Variants in LYST observed in about 807,000 individuals in gnomAD.
LYST encodes lysosomal-trafficking regulator.
In LYST, 192 loss-of-function variants were observed where a neutral mutation model predicts 413.6. The ratio of observed to expected loss-of-function variants is 0.46; its 90% CI spans 0.41 to 0.52. The LOEUF (loss-of-function observed/expected upper bound fraction) is 0.52, where lower values mean the gene tolerates loss of function less well. Among genes scored for constraint, LYST ranks in the 20% least tolerant of loss-of-function variants. The pLI, the probability that LYST is intolerant of heterozygous loss-of-function variation, is 0.00. For synonymous variants in LYST, 1,525 were observed against 1,567.3 expected (o/e 0.97, Z 0.64); for missense variants, 3,815 against 4,499.9 (o/e 0.85, Z 4.35).
Position 235,674,430 on chromosome 1 carries a change from G to A in LYST, c.11038+2661C>T, listed in dbSNP as rs1186007687. On this transcript the variant is annotated intron_variant, in intron 50 of 52. Coordinates refer to ENST00000389793, the MANE Select transcript of LYST (RefSeq NM_000081.4). This position sits in a 1 kb window ranked among gnomAD's most constrained non-coding sequence, Gnocchi z 4.1. ...AAAAAAAAAAAAAAGTGTCCCCCTCGGGTCTTTTGATCGTCACATATATAT... is the reference window on the plus strand; with the variant it reads ...AAAAAAAAAAAAAAGTGTCCCCCTCAGGTCTTTTGATCGTCACATATATAT... Among the ~76,000 whole-genome samples the A allele has an allele frequency of 2.6e-5, 4 of 150,964 alleles. No homozygotes were observed. The highest frequency in any genetic ancestry group is 5.9e-5 in the Non-Finnish European group (4 of 67,908).
Position 235,777,148 on chromosome 1 carries a change from T to C in LYST, c.5375A>G (p.Asn1792Ser). The C allele has an allele frequency of 1.2e-6, 2 of 1,613,448 alleles. No individual in the cohort carries two copies. Among genetic ancestry groups the C allele is most frequent in the Non-Finnish European group, 1.7e-6 (2 of 1,179,530 alleles). The change falls in exon 17 of 53, where the codon AAT becomes AGT. Residue 1792 changes from asparagine to serine, a missense_variant. Asn to Ser is a conservative substitution (Grantham distance 46). Coordinates refer to ENST00000389793, the MANE Select transcript of LYST (RefSeq NM_000081.4). ...AGTTTTATATTCAGTAGGTTGGAGA[T>C]TCTTTAGATGATGAGGTTCTAATAA... ...SILLEPHHLK[N>S]LQPTEYKTIQ... is the part of the protein sequence containing the mutation.
At chr1:235,665,247 T>C (rs1658333946) in intron 50 of LYST, among the ~76,000 whole-genome samples, 1 of 152,212 alleles carries the variant, frequency 6.6e-6, no homozygotes, top group African/African-American at 2.4e-5. Context: ...ATATGAGTTA[T>C]GATTGAAAAT....
In LYST at chr1:235,741,592, T is replaced by C; in HGVS notation, c.8188A>G (p.Thr2730Ala). The change falls in exon 31 of 53, where the codon ACT becomes GCT. Residue 2730 changes from threonine (T) to alanine (A), a missense_variant. Transcript: ENST00000389793. The stretch of plus-strand genomic sequence containing the variant: ...TCCTTACAAGACCACAGAATTTTAG[T>C]CCATTGCTGCTTGGAACCACTGGCT... ...SKASGSKQQWTKILWSCKETF... is the reference protein window; with the variant it reads ...SKASGSKQQWAKILWSCKETF... The C allele has an allele frequency of 6.2e-7, 1 of 1,614,110 alleles. No homozygotes were observed. The highest frequency in any genetic ancestry group is 8.5e-7 in the Non-Finnish European group (1 of 1,179,990).
chr1:235,790,146 A>G (rs1296728355), intron 12 of LYST, among the ~76,000 whole-genome samples: 3 of 152,182 alleles, frequency 2.0e-5, no homozygotes, highest in Non-Finnish European at 4.4e-5. Context: ...ACTTTCCAAT[A>G]TTTACTTTTC....
intron 32 of LYST, 40 bp from the exon 33 acceptor site, chr1:235,733,946 T>C: frequency 1.0e-6 from 1 of 1,002,222 alleles, no homozygotes; most frequent in East Asian, 2.7e-5. Flanking sequence ...TAAAATTTAT[T>C]ATTTCTCACC....
intron 20 of LYST, among the ~76,000 whole-genome samples, chr1:235,768,064 G>A (rs1668316530): frequency 6.6e-6 from 1 of 152,002 alleles, no homozygotes. Context: ...TCAGTCCTCT[G>A]ATTCTCTCAC....
At chr1:235,758,074 T>C (rs1667214215) in intron 23 of LYST, among the ~76,000 whole-genome samples, 1 of 152,214 alleles carries the variant, frequency 6.6e-6, no homozygotes, top group Admixed American at 6.5e-5. Context: ...CAAATGCTGC[T>C]GGGTTTAGCC....
At position 235,806,692 on chromosome 1, in the gene LYST, T is replaced by C. The variant is rs1489278387; in HGVS notation, c.2444A>G (p.His815Arg). ...CAGAGTTTCAAATGCTTTTAGAGAA[T>C]GACTTCGAATACCATTTAAGCAATT... ...ELNCLNGIRS[H>R]SLKAFETLII... Residue 815 changes from histidine to arginine, a missense_variant, in exon 6 of 53, where the codon CAT (histidine) becomes CGT (arginine). By Grantham distance (29) the His-to-Arg change is conservative. Coordinates refer to ENST00000389793, the MANE Select transcript of LYST (RefSeq NM_000081.4). 2.5e-6 allele frequency: 4 copies of C among 1,613,368 alleles called. No homozygotes were observed. The highest frequency in any genetic ancestry group is 3.4e-6 in the Non-Finnish European group (4 of 1,179,456).
At chr1:235,739,845 G>A (rs1218200928) in intron 31 of LYST, among the ~76,000 whole-genome samples, 4 of 152,112 alleles carry the variant, frequency 2.6e-5, no homozygotes, top group Non-Finnish European at 4.4e-5. Context: ...ACTGGCCTTG[G>A]TGACGAAATG....
intron 1 of LYST, among the ~76,000 whole-genome samples, chr1:235,849,715 C>T (rs1200588167): frequency 6.8e-6 from 1 of 146,558 alleles, no homozygotes; most frequent in Non-Finnish European, 1.5e-5. Flanking sequence ...CTCTTCTATA[C>T]ACCAACAGCG....
chr1:235,820,164 C>A (rs1187639542), intron 3 of LYST, among the ~76,000 whole-genome samples: 2 of 152,122 alleles, frequency 1.3e-5, no homozygotes, highest in African/African-American at 2.4e-5. Context: ...CCTAGCCATT[C>A]AGAAGTAGAA....
chr1:235,714,323 AG>A lies in LYST; in HGVS notation c.9784+877del, dbSNP rs575420430. 1.1e-4 allele frequency among the ~76,000 whole-genome samples: 16 copies of A among 152,304 alleles called. No individual in the cohort carries two copies. The East Asian group carries it at 3.1e-3, about 29-fold the overall frequency. ...TCAAATTAACCAAGGATAATTAGCC[AG>A]GGGAAAAACAAGAGAGAGAGAGAAA... On this transcript the variant is annotated intron_variant, in intron 42 of 52. Transcript: ENST00000389793.
intron 45 of LYST, among the ~76,000 whole-genome samples, chr1:235,699,326 G>A (rs1394536115): frequency 6.6e-6 from 1 of 152,142 alleles, no homozygotes; most frequent in African/African-American, 2.4e-5. Flanking sequence ...TTATGAGTGA[G>A]AACAAGCGGT....
At chr1:235,812,074 A>C (rs764574136) in intron 4 of LYST, among the ~76,000 whole-genome samples, 6 of 152,204 alleles carry the variant, frequency 3.9e-5, no homozygotes, top group Non-Finnish European at 7.3e-5. Context: ...TCAAGAGGAA[A>C]ACTATTAATC....
intron 1 of LYST, among the ~76,000 whole-genome samples, chr1:235,878,074 C>T (rs1246065105): frequency 6.6e-6 from 1 of 152,188 alleles, no homozygotes; most frequent in African/African-American, 2.4e-5. Flanking sequence ...TGCATTTAAA[C>T]ATGTCTGGGC....
chr1:235,677,499 T>C lies in LYST; in HGVS notation c.10921A>G (p.Ile3641Val), dbSNP rs1659475689. The change falls in exon 49 of 53, where the codon ATC becomes GTC. Residue 3641 changes from isoleucine (I) to valine (V), a missense_variant. By Grantham distance (29) the Ile-to-Val change is conservative. Transcript: ENST00000389793. Reference protein sequence around the residue: ...LISVSRDGTCIIWDLNRLCYV... With the variant: ...LISVSRDGTCVIWDLNRLCYV... ...CTGTACCTGTTTAAATCCCATATGA[T>C]GCAGGTTCCGTCTCTGCTCACACTT... 2 of 1,613,856 alleles carry C rather than the reference T, an allele frequency of 1.2e-6. No individual in the cohort carries two copies. The highest frequency in any genetic ancestry group is 1.7e-6 in the Non-Finnish European group (2 of 1,179,814).
At chr1:235,878,187 G>A (rs1291116969) in intron 1 of LYST, among the ~76,000 whole-genome samples, 1 of 152,190 alleles carries the variant, frequency 6.6e-6, no homozygotes, top group Non-Finnish European at 1.5e-5. Flanking sequence ...AGAGCCCCAA[G>A]GCAACATCCC....
chr1:235,690,473 T>C (rs1051770348), intron 47 of LYST, among the ~76,000 whole-genome samples: 1 of 152,224 alleles, frequency 6.6e-6, no homozygotes, highest in African/African-American at 2.4e-5. Flanking sequence ...TCTATCTGCA[T>C]ACAAAGGCTC....
At chr1:235,801,590 C>G (rs1296873800) in intron 8 of LYST, among the ~76,000 whole-genome samples, 2 of 152,080 alleles carry the variant, frequency 1.3e-5, no homozygotes, top group South Asian at 2.1e-4. Flanking sequence ...CTTATATGAT[C>G]TTTTAAGACT....
Sources: allele counts gnomAD v4.1 joint callset (sites outside exome capture counted in the v4.1 genomes callset), GRCh38; gene constraint gnomAD v4.1.1; non-coding constraint Gnocchi (gnomAD v3.1); transcripts MANE v1.5; gene names NCBI Gene and HGNC (gene_info 2026-07-23, HGNC 2026-07-21).